The following HADH variants were observed in gnomAD, a reference collection of about 807,000 sequenced individuals.
HADH encodes hydroxyacyl-coenzyme A dehydrogenase, mitochondrial.
Under a neutral mutation model 32.2 loss-of-function variants are expected in HADH, and 24 were observed. The ratio of observed to expected loss-of-function variants is 0.75; its 90% CI spans 0.54 to 1.05. The LOEUF is 1.05. HADH is among the 50% of genes least tolerant of loss of function. The probability of loss-of-function intolerance (pLI) is 0.00; values close to 1 mark genes in which losing one functional copy is unlikely to be tolerated. For synonymous variants in HADH, 139 were observed against 152.5 expected (o/e 0.91, Z 0.65); for missense variants, 350 against 397.1 (o/e 0.88, Z 1.01).
intron 1 of HADH, among the ~76,000 whole-genome samples, chr4:107,997,780 GTCC>G (rs1734998971): frequency 6.6e-6 from 1 of 152,264 alleles, no homozygotes; most frequent in South Asian, 2.1e-4. Flanking sequence ...GCCAGGAAGA[GTCC>G]TCCTCATTTG....
At chr4:108,013,100 T>G (rs1407974200) in intron 2 of HADH, among the ~76,000 whole-genome samples, 1 of 152,110 alleles carries the variant, frequency 6.6e-6, no homozygotes, top group African/African-American at 2.4e-5. Context: ...GCCCAGCAAA[T>G]TTTTGTATTT....
chr4:108,014,663 T>C, intron 3 of HADH, 75 bp downstream of exon 3: 1 of 1,398,824 alleles, frequency 7.1e-7, no homozygotes, highest in Non-Finnish European at 1.0e-6. Flanking sequence ...ATTTTTTGTT[T>C]TTATAGATTT....
chr4:108,019,778 AG>A (rs1262670343), intron 4 of HADH, 112 bp downstream of exon 4: 2 of 1,218,786 alleles, frequency 1.6e-6, no homozygotes, highest in African/African-American at 3.0e-5. Flanking sequence ...TTTTAACCTG[AG>A]GGTAGAAGGT....
intron 5 of HADH, chr4:108,024,913 G>A (rs1231096415): frequency 1.3e-5 from 2 of 152,174 alleles, no homozygotes; most frequent in African/African-American, 2.4e-5. Flanking sequence ...ATCTTGTTAG[G>A]TCATTCCAGA....
intron 1 of HADH, among the ~76,000 whole-genome samples, chr4:107,996,698 A>G (rs1238752532): frequency 2.6e-5 from 4 of 152,200 alleles, no homozygotes; most frequent in Non-Finnish European, 5.9e-5. Context: ...GTTCGAGACT[A>G]GCCTGGCCAA....
chr4:108,001,978 A>G (rs376055732), intron 1 of HADH, among the ~76,000 whole-genome samples: 7 of 152,290 alleles, frequency 4.6e-5, no homozygotes, highest in African/African-American at 1.7e-4. Context: ...TGTTCCCTCC[A>G]AAATTTATGT....
At chr4:108,028,716 C>A (rs1029305671) in intron 6 of HADH, 1 of 395,856 alleles carries the variant, frequency 2.5e-6, no homozygotes, top group Admixed American at 4.4e-5. Context: ...AAGCACAGAG[C>A]ATTTTACCCT....
At chr4:107,991,114 T>C (rs1167098412) in intron 1 of HADH, among the ~76,000 whole-genome samples, 1 of 152,196 alleles carries the variant, frequency 6.6e-6, no homozygotes, top group Non-Finnish European at 1.5e-5. Flanking sequence ...TCAGGCTCAG[T>C]TGTGCGAGTG....
intron 1 of HADH, among the ~76,000 whole-genome samples, chr4:108,001,062 G>A (rs1024950878): frequency 1.2e-4 from 18 of 152,162 alleles, no homozygotes; most frequent in Non-Finnish European, 2.1e-4. Flanking sequence ...TAGTTCTGAG[G>A]TTTCAAAATA....
At position 108,019,662 on chromosome 4, in the gene HADH, T is replaced by C. The variant is rs774956302; in HGVS notation, c.542T>C (p.Val181Ala). ...FFNPVPVMKL[V>A]EVIKTPMTSQ... Reference sequence around the variant, plus strand: ...AACCCAGTGCCTGTCATGAAACTTGTGGAGGTCAGTGGGTGTCAGCTTGTG... The same window carrying C: ...AACCCAGTGCCTGTCATGAAACTTGCGGAGGTCAGTGGGTGTCAGCTTGTG... Residue 181 changes from valine (V) to alanine (A), a missense_variant, in exon 4 of 8, where the codon GTG becomes GCG. By Grantham distance (64) the Val-to-Ala change is moderately conservative. Transcript: ENST00000309522. 1.3e-5 allele frequency: 21 copies of C among 1,614,074 alleles called. 1 individual carries two copies. The South Asian group carries it at 2.1e-4, about 16-fold the overall frequency.
At chr4:108,028,980 G>A (rs1329425697) in intron 6 of HADH, 1 of 398,354 alleles carries the variant, frequency 2.5e-6, no homozygotes, top group East Asian at 3.6e-5. Flanking sequence ...AGCAGGACCT[G>A]GCCTCAGGAC....
chr4:107,996,794 T>G (rs551133393), intron 1 of HADH, among the ~76,000 whole-genome samples: 33 of 151,636 alleles, frequency 2.2e-4, no homozygotes, highest in African/African-American at 7.7e-4. Flanking sequence ...TTCAGGAGAC[T>G]GAGGTGGAAG....
intron 1 of HADH, among the ~76,000 whole-genome samples, chr4:108,002,441 A>G (rs1210476768): frequency 2.6e-5 from 4 of 152,172 alleles, no homozygotes; most frequent in East Asian, 1.9e-4. Context: ...ACATGGCACC[A>G]TCTAGATGCA....
rs1736341961 is a variant in HADH, at chr4:108,033,278, A to C, written c.812A>C (p.Lys271Thr). ...GATTATGTCGGACTGGATACTACGA[A>C]GTTCATCGTGGATGGTAGGAATTGG... is the stretch of plus-strand genomic sequence containing the variant. ...LLDYVGLDTT[K>T]FIVDGWHEMD... The change falls in exon 7 of 8, where the codon AAG (lysine) becomes ACG (threonine). Residue 271 changes from lysine to threonine, a missense_variant. By Grantham distance (78) the Lys-to-Thr change is moderately conservative. Transcript: ENST00000309522. The C allele has an allele frequency of 6.5e-7, 1 of 1,540,654 alleles. No individual in the cohort carries two copies. The highest frequency in any genetic ancestry group is 1.7e-5 in the Admixed American group (1 of 59,910).
chr4:108,014,609 C>G, intron 3 of HADH, 21 bp downstream of exon 3: 2 of 1,520,796 alleles, frequency 1.3e-6, no homozygotes, highest in African/African-American at 1.4e-5. Context: ...TCTGGACAAT[C>G]TTCTTTTTTT....
At chr4:108,016,266 A>G (rs1330069213) in intron 3 of HADH, among the ~76,000 whole-genome samples, 1 of 152,214 alleles carries the variant, frequency 6.6e-6, no homozygotes, top group Non-Finnish European at 1.5e-5. Flanking sequence ...GACAAAAGCA[A>G]TTCTCAGGGC....
At chr4:108,027,907 G>C (rs983332276) in intron 6 of HADH, 147 bp downstream of exon 6, 11 of 689,542 alleles carry the variant, frequency 1.6e-5, no homozygotes, top group Non-Finnish European at 2.9e-5. Context: ...GCTGCACCCT[G>C]AGCCCTGGTA....
intron 6 of HADH, chr4:108,029,668 G>C (rs1041919669): frequency 2.0e-5 from 3 of 152,398 alleles, no homozygotes; most frequent in Non-Finnish European, 4.4e-5. Flanking sequence ...CTGGAAGGAT[G>C]TGTGTGCTGT....
chr4:107,991,329 G>C (rs929038578), intron 1 of HADH, among the ~76,000 whole-genome samples: 1 of 151,516 alleles, frequency 6.6e-6, no homozygotes, highest in Non-Finnish European at 1.5e-5. Context: ...ACAGTCATGA[G>C]AGAGTTTACT....
Sources: allele counts gnomAD v4.1 joint callset (sites outside exome capture counted in the v4.1 genomes callset), GRCh38; gene constraint gnomAD v4.1.1; transcripts MANE v1.5; gene names NCBI Gene and HGNC (gene_info 2026-07-23, HGNC 2026-07-21).